The following FTO variants were observed in gnomAD, a reference collection of about 807,000 sequenced individuals.
FTO encodes the protein FTO alpha-ketoglutarate dependent dioxygenase.
Under a neutral mutation model 63.9 loss-of-function variants are expected in FTO, and 47 were observed. The observed-to-expected ratio is 0.74, with a 90% confidence interval of 0.58 to 0.94. FTO has a LOEUF of 0.94. Among genes scored for constraint, FTO ranks in the 40% least tolerant of loss-of-function variants. The pLI is 0.00. For synonymous variants in FTO, 207 were observed against 224.4 expected (o/e 0.92, Z 0.69); for missense variants, 562 against 618.1 (o/e 0.91, Z 0.96).
chr16:53,999,653 G>T (rs1261345013), intron 8 of FTO: 2 of 152,172 alleles, frequency 1.3e-5, no homozygotes, highest in Admixed American at 1.3e-4. Flanking sequence ...TGGCCAGTAG[G>T]CATTGTCCCC....
chr16:54,002,025 T>C (rs971264909), intron 8 of FTO, among the ~76,000 whole-genome samples: 1 of 152,218 alleles, frequency 6.6e-6, no homozygotes. Context: ...TCTACTTGAA[T>C]GCATGCTTTT....
intron 1 of FTO, among the ~76,000 whole-genome samples, chr16:53,725,705 G>A (rs1321291123): frequency 6.6e-6 from 1 of 152,266 alleles, no homozygotes; most frequent in East Asian, 1.9e-4. Context: ...TAGATGATGG[G>A]TTATTTCCTC....
chr16:54,001,490 T>G (rs2084066087), intron 8 of FTO, among the ~76,000 whole-genome samples: 1 of 152,124 alleles, frequency 6.6e-6, no homozygotes, highest in African/African-American at 2.4e-5. Context: ...CTAAGAAGCA[T>G]CTATTCTAAT....
intron 1 of FTO, among the ~76,000 whole-genome samples, chr16:53,728,767 T>TTC (rs2151505632): frequency 6.7e-6 from 1 of 149,656 alleles, no homozygotes; most frequent in East Asian, 2.0e-4. Context: ...CATACTTCTT[T>TTC]TTTTTTTTTT....
chr16:54,071,809 C>A (rs986607345), intron 8 of FTO: 11 of 152,064 alleles, frequency 7.2e-5, no homozygotes, highest in South Asian at 2.1e-4. Context: ...GAGTAGAAGG[C>A]CCACTGGAGA....
In FTO at chr16:54,120,493, T is replaced by G. The variant is rs2144649757; in HGVS notation, c.*8578T>G. On this transcript the variant is annotated 3_prime_UTR_variant, in exon 9 of 9. Transcript: ENST00000471389. ...AGAGCCTGAGGATAGGAGAGCAGCG[T>G]GGTGAAAGAAGCAATAGTTACCACA... The G allele has an allele frequency of 6.6e-6, 1 of 152,346 alleles. No homozygotes were observed. The highest frequency in any genetic ancestry group is 2.1e-4 in the South Asian group (1 of 4,824). 9.4% of individuals were successfully genotyped at this position (152,346 alleles called of 1,614,324 possible). A position where few individuals can be genotyped will look rare whatever the true frequency, so the allele number is the denominator to read the frequency against.
At chr16:53,774,314 A>C (rs1020009809) in intron 1 of FTO, among the ~76,000 whole-genome samples, 6 of 152,074 alleles carry the variant, frequency 3.9e-5, no homozygotes, top group Non-Finnish European at 8.8e-5. Context: ...TTCTCAATAT[A>C]CCTTTGCTTA....
intron 8 of FTO, among the ~76,000 whole-genome samples, chr16:53,954,034 C>G (rs2082863275): frequency 6.6e-6 from 1 of 152,156 alleles, no homozygotes; most frequent in Non-Finnish European, 1.5e-5. Context: ...ATGACGAAGG[C>G]TAGGGTCCTG....
chr16:53,892,659 G>A (rs931629752), intron 7 of FTO, among the ~76,000 whole-genome samples: 6 of 152,022 alleles, frequency 3.9e-5, no homozygotes, highest in African/African-American at 1.5e-4. Context: ...TGTCTGTTCT[G>A]CAAAATAACA....
chr16:53,964,614 C>A (rs1301402004), intron 8 of FTO, among the ~76,000 whole-genome samples: 1 of 152,130 alleles, frequency 6.6e-6, no homozygotes, highest in Non-Finnish European at 1.5e-5. Context: ...TGGTTGCCTT[C>A]CCAGACTTCA....
At chr16:53,792,545 C>T (rs958223828) in intron 1 of FTO, among the ~76,000 whole-genome samples, 2 of 152,120 alleles carry the variant, frequency 1.3e-5, no homozygotes, top group African/African-American at 4.8e-5. Flanking sequence ...GGCTTAATGG[C>T]TAAAGCTTTG....
intron 4 of FTO, among the ~76,000 whole-genome samples, chr16:53,857,333 A>AG (rs2080031767): frequency 6.6e-6 from 1 of 152,006 alleles, no homozygotes; most frequent in Non-Finnish European, 1.5e-5. Flanking sequence ...GAGAACGTGC[A>AG]GTATTTGGTT....
intron 1 of FTO, among the ~76,000 whole-genome samples, chr16:53,765,490 G>A (rs1322123446): frequency 1.3e-5 from 2 of 151,632 alleles, no homozygotes; most frequent in Non-Finnish European, 2.9e-5. Flanking sequence ...GGGAGGCAGA[G>A]GTTGCAGTGA....
At chr16:53,840,036 C>CTCG (rs2079428455) in intron 3 of FTO, among the ~76,000 whole-genome samples, 1 of 151,952 alleles carries the variant, frequency 6.6e-6, no homozygotes, top group African/African-American at 2.4e-5. Context: ...ATCTCCTGAC[C>CTCG]TCGTGATCCA....
chr16:54,083,876 G>A (rs1289136853), intron 8 of FTO, among the ~76,000 whole-genome samples: 2 of 152,164 alleles, frequency 1.3e-5, no homozygotes, highest in Admixed American at 6.5e-5. Context: ...CCAAGAGTTT[G>A]GGGTAGTGCT....
intron 1 of FTO, among the ~76,000 whole-genome samples, chr16:53,749,731 G>A (rs1054767392): frequency 3.3e-5 from 5 of 152,274 alleles, no homozygotes; most frequent in South Asian, 2.1e-4. Flanking sequence ...GAGCCACTGC[G>A]CCCGGCCAAG....
intron 1 of FTO, among the ~76,000 whole-genome samples, chr16:53,754,954 G>A (rs899453945): frequency 2.0e-5 from 3 of 152,128 alleles, no homozygotes; most frequent in Non-Finnish European, 4.4e-5. Flanking sequence ...AAGACAGACA[G>A]TGCTAGGACA....
At chr16:54,097,072 G>T (rs969113943) in intron 8 of FTO, among the ~76,000 whole-genome samples, 4 of 152,280 alleles carry the variant, frequency 2.6e-5, no homozygotes, top group African/African-American at 9.6e-5. Flanking sequence ...AGGATCACAT[G>T]GGATAATGCA....
intron 4 of FTO, among the ~76,000 whole-genome samples, chr16:53,856,834 C>T (rs2080014860): frequency 6.6e-6 from 1 of 151,734 alleles, no homozygotes; most frequent in South Asian, 2.1e-4. Context: ...AAATCATAGT[C>T]CTTGGTCAAT....
Sources: gnomAD v4.1 joint callset for allele counts (sites outside exome capture counted in the v4.1 genomes callset) on GRCh38, gnomAD v4.1.1 for gene constraint, MANE v1.5 for transcripts, NCBI Gene and HGNC (gene_info 2026-07-23, HGNC 2026-07-21) for gene names.